Variants in PCDHGB2 observed in about 807,000 individuals in gnomAD.
PCDHGB2 encodes protocadherin gamma subfamily B, 2.
A neutral mutation model predicts 59.3 loss-of-function variants in PCDHGB2; 55 were observed. The observed-to-expected ratio is 0.93, with a 90% CI of 0.75 to 1.16. The LOEUF (loss-of-function observed/expected upper bound fraction) is 1.16, where lower values mean the gene tolerates loss of function less well. PCDHGB2 is among the 50% of genes most tolerant of loss of function. The pLI is 0.00. For synonymous variants in PCDHGB2, 516 were observed against 512.0 expected (o/e 1.01, Z -0.11); for missense variants, 1,228 against 1,198.5 (o/e 1.02, Z -0.36).
At chr5:141,452,377 A>G (rs2098740152) in intron 1 of PCDHGB2, among the ~76,000 whole-genome samples, 1 of 152,222 alleles carries the variant, frequency 6.6e-6, no homozygotes, top group African/African-American at 2.4e-5. Flanking sequence ...TTAGTAGGGA[A>G]TAGTATTTAG....
At chr5:141,421,449 G>A (rs2096574013) in intron 1 of PCDHGB2, 2 of 1,614,010 alleles carry the variant, frequency 1.2e-6, no homozygotes, top group African/African-American at 1.3e-5. Flanking sequence ...GGAAGACACA[G>A]CTTTTCGCTG....
At chr5:141,408,955 T>G in intron 1 of PCDHGB2, 1 of 1,613,616 alleles carries the variant, frequency 6.2e-7, no homozygotes, top group South Asian at 1.1e-5. Flanking sequence ...GAATTAGTCT[T>G]AGTGAAAATC....
chr5:141,434,132 G>A (rs2097674012), intron 1 of PCDHGB2, among the ~76,000 whole-genome samples: 1 of 152,194 alleles, frequency 6.6e-6, no homozygotes, highest in South Asian at 2.1e-4. Context: ...CCTTTAGGCT[G>A]ATTTCTATGT....
At position 141,431,338 on chromosome 5, in the gene PCDHGB2, A is replaced by G; in HGVS notation, c.2422-63469A>G. On this transcript the variant is annotated intron_variant, in intron 1 of 3. Transcript: ENST00000522605. This position sits in a 1 kb window ranked among gnomAD's most constrained non-coding sequence, Gnocchi z 4.8. ...GAGCCGACGGTAGTAAGTACCCCGA[A>G]TTGGTGCTGAAACGCGCCCTGGACC... 1 of 1,614,068 alleles carries G rather than the reference A, an allele frequency of 6.2e-7. No homozygotes were observed. The highest frequency in any genetic ancestry group is 8.5e-7 in the Non-Finnish European group (1 of 1,180,032).
chr5:141,448,834 A>G (rs910945659), intron 1 of PCDHGB2, among the ~76,000 whole-genome samples: 2 of 151,780 alleles, frequency 1.3e-5, no homozygotes, highest in African/African-American at 4.8e-5. Context: ...AGTCCCAGCT[A>G]CTCTGGAGGC....
rs756857668 is a variant in PCDHGB2, at chr5:141,389,399, A to C, written c.2421+26843A>C. ...GGGAGCTGTCATCCTACGTGTCCAT[A>C]AGCGCGGAGAGCGGGGTGGTGTTCG... On this transcript the variant is annotated intron_variant, in intron 1 of 3. Coordinates refer to ENST00000522605, the MANE Select transcript of PCDHGB2 (RefSeq NM_018923.3). 67 of 1,613,528 alleles carry C rather than the reference A, an allele frequency of 4.2e-5. 1 individual carries two copies. Among genetic ancestry groups the C allele is most frequent in the South Asian group, 5.5e-5 (5 of 91,094 alleles).
chr5:141,403,634 A>T, intron 1 of PCDHGB2: 1 of 1,613,920 alleles, frequency 6.2e-7, no homozygotes, highest in Non-Finnish European at 8.5e-7. Flanking sequence ...CACAGTGCGC[A>T]TCCATGTGAC....
chr5:141,361,612 G>A lies in PCDHGB2; in HGVS notation c.1477G>A (p.Ala493Thr), dbSNP rs1485952478. The A allele has an allele frequency of 1.2e-6, 2 of 1,613,984 alleles. No individual in the cohort carries two copies. The highest frequency in any genetic ancestry group is 1.7e-5 in the Admixed American group (1 of 60,032). The part of the protein sequence containing the change: ...PSGQVSYSIV[A>T]SDLKPREILS... ...TGGCCAAGTTTCCTACTCCATCGTA[G>A]CGAGCGACCTGAAGCCGCGGGAGAT... The change falls in exon 1 of 4, where the codon GCG becomes ACG. Residue 493 changes from alanine (A) to threonine (T), a missense_variant. Around this residue, in one of 3 missense-constraint regions of PCDHGB2, gnomAD observed 781 missense variants for 721.6 expected, o/e 1.08. Coordinates refer to ENST00000522605, the MANE Select transcript of PCDHGB2 (RefSeq NM_018923.3).
chr5:141,392,968 T>C (rs748824740), intron 1 of PCDHGB2: 1 of 1,613,910 alleles, frequency 6.2e-7, no homozygotes, highest in Non-Finnish European at 8.5e-7. Context: ...TCCAAGGACC[T>C]GGGGCTGGAC....
intron 1 of PCDHGB2, chr5:141,371,592 A>G: frequency 6.2e-7 from 1 of 1,614,000 alleles, no homozygotes; most frequent in Non-Finnish European, 8.5e-7. Context: ...AGATACCAAA[A>G]ACACATACAG....
At chr5:141,483,222 C>A (rs1011389295) in intron 1 of PCDHGB2, among the ~76,000 whole-genome samples, 4 of 152,078 alleles carry the variant, frequency 2.6e-5, no homozygotes, top group African/African-American at 9.7e-5. Context: ...ACAGTCACTG[C>A]AGAAATTTGA....
Position 141,485,342 on chromosome 5 carries a change from G to C in PCDHGB2, c.2422-9465G>C. 1.2e-6 allele frequency: 2 copies of C among 1,614,164 alleles called. No individual in the cohort carries two copies. Among genetic ancestry groups the C allele is most frequent in the Non-Finnish European group, 1.7e-6 (2 of 1,180,026 alleles). On this transcript the variant is annotated intron_variant, in intron 1 of 3. Coordinates refer to ENST00000522605, the MANE Select transcript of PCDHGB2 (RefSeq NM_018923.3). The surrounding 1 kb of genome is among the most constrained non-coding windows in gnomAD (Gnocchi z 5.7). The stretch of plus-strand genomic sequence containing the variant: ...CGCTCAAGATTTCCTGCTGGATACG[G>C]ACAGTCTGTCAGCTCGCAGGCTGCA...
Position 141,485,119 on chromosome 5 carries a change from C to A in PCDHGB2, c.2422-9688C>A. 3.0e-6 allele frequency: 4 copies of A among 1,328,812 alleles called. No homozygotes were observed. Among genetic ancestry groups the A allele is most frequent in the Non-Finnish European group, 4.3e-6 (4 of 935,940 alleles). The allele number at this position is 1,328,812 out of a possible 1,614,324, so 82.3% of individuals were successfully genotyped here. ...CTCCAGCTGCTGTGGCTGTTTGGGG[C>A]GGGTCGGCTTCATCCGCGTCTCAGG... On this transcript the variant is annotated intron_variant, in intron 1 of 3. Transcript: ENST00000522605. This position sits in a 1 kb window ranked among gnomAD's most constrained non-coding sequence, Gnocchi z 5.7.
chr5:141,375,685 C>T (rs1771752072), intron 1 of PCDHGB2: 1 of 1,614,262 alleles, frequency 6.2e-7, no homozygotes, highest in Non-Finnish European at 8.5e-7. Flanking sequence ...GGGTGACAGC[C>T]AGCGACAGCG....
At position 141,423,563 on chromosome 5, in the gene PCDHGB2, C is replaced by T. The variant is rs745802952; in HGVS notation, c.2421+61007C>T. 9.9e-6 allele frequency: 16 copies of T among 1,613,436 alleles called. No homozygotes were observed. In the Admixed American group the frequency reaches 2.3e-4, roughly 24 times the overall value. ...TTCCCCCAGCCCAACTATGGGGACA[C>T]GCTCATCAGCCAGGAGAGCTGTGAG... On this transcript the variant is annotated intron_variant, in intron 1 of 3. Coordinates refer to ENST00000522605, the MANE Select transcript of PCDHGB2 (RefSeq NM_018923.3).
intron 1 of PCDHGB2, chr5:141,392,745 G>T: frequency 6.9e-7 from 1 of 1,441,296 alleles, no homozygotes; most frequent in Non-Finnish European, 9.1e-7. Flanking sequence ...CCATAGCTGC[G>T]GCAAGAAACT....
intron 1 of PCDHGB2, chr5:141,392,581 C>T: frequency 2.2e-6 from 1 of 463,442 alleles, no homozygotes; most frequent in Non-Finnish European, 3.8e-6. Context: ...GGACTGTAAG[C>T]GCCGCTGTTC....
At position 141,485,614 on chromosome 5, in the gene PCDHGB2, T is replaced by G; in HGVS notation, c.2422-9193T>G. 1 of 1,612,236 alleles carries G rather than the reference T, an allele frequency of 6.2e-7. No individual in the cohort carries two copies. Among genetic ancestry groups the G allele is most frequent in the Non-Finnish European group, 8.5e-7 (1 of 1,178,686 alleles). On this transcript the variant is annotated intron_variant, in intron 1 of 3. Transcript: ENST00000522605. The surrounding 1 kb of genome is among the most constrained non-coding windows in gnomAD (Gnocchi z 5.7). ...ACTTGGAAATTGGGGAGGCAGCTCC[T>G]CCAGGACAGCGTTTCCCGTTGGAAA...
chr5:141,389,749 G>C (rs1361443182), intron 1 of PCDHGB2: 1 of 1,612,740 alleles, frequency 6.2e-7, no homozygotes, highest in South Asian at 1.1e-5. Context: ...CTGCGCACGG[G>C]CGAAGTGCGC....
Sources: gnomAD v4.1 joint callset for allele counts (sites outside exome capture counted in the v4.1 genomes callset) on GRCh38, gnomAD v4.1.1 for gene constraint, gnomAD v4.1.1 regional missense constraint, Gnocchi (gnomAD v3.1) non-coding constraint, MANE v1.5 for transcripts, NCBI Gene and HGNC (gene_info 2026-07-23, HGNC 2026-07-21) for gene names.